Variants in QTRT2 observed in about 807,000 individuals in gnomAD.
QTRT2 encodes queuine tRNA-ribosyltransferase domain containing 1.
QTRT2 carries 32 observed loss-of-function variants against 44.8 expected under a neutral mutation model. The ratio of observed to expected loss-of-function variants is 0.71; its 90% CI spans 0.54 to 0.96. The LOEUF (loss-of-function observed/expected upper bound fraction) is 0.96, where lower values mean the gene tolerates loss of function less well. Among genes scored for constraint, QTRT2 ranks in the 40% least tolerant of loss-of-function variants. The pLI is 0.00. For missense variants in QTRT2, 461 were observed against 503.1 expected (o/e 0.92, Z 0.80); for synonymous variants, 182 against 187.4 (o/e 0.97, Z 0.24).
chr3:114,068,311 G>T, intron 5 of QTRT2: 1 of 383,516 alleles, frequency 2.6e-6, no homozygotes, highest in Non-Finnish European at 4.9e-6. Context: ...GGTAGAGGAG[G>T]GTCAAATACA....
intron 4 of QTRT2, among the ~76,000 whole-genome samples, chr3:114,067,108 G>A (rs1364092220): frequency 6.6e-6 from 1 of 152,110 alleles, no homozygotes; most frequent in Admixed American, 6.5e-5. Flanking sequence ...GCTTCTGAGA[G>A]CAGCTGCATG....
chr3:114,077,801 C>G (rs1320805921), intron 7 of QTRT2: 1 of 151,020 alleles, frequency 6.6e-6, no homozygotes, highest in East Asian at 2.0e-4. Flanking sequence ...GCAACCTCCA[C>G]CTCCCGGGTT....
chr3:114,083,345 TGTTGTG>T (rs2107807757), intron 9 of QTRT2, among the ~76,000 whole-genome samples: 1 of 136,256 alleles, frequency 7.3e-6, no homozygotes, highest in South Asian at 2.4e-4. Context: ...TTGTTGTTGT[TGTTGTG>T]TTTTAGAACA....
intron 2 of QTRT2, among the ~76,000 whole-genome samples, chr3:114,061,560 T>C (rs2076886986): frequency 6.6e-6 from 1 of 152,182 alleles, no homozygotes; most frequent in South Asian, 2.1e-4. Flanking sequence ...CTTTTATCTC[T>C]TTTCTTTCTC....
intron 5 of QTRT2, 111 bp downstream of exon 5, chr3:114,068,174 T>C (rs926273622): frequency 2.4e-6 from 2 of 847,476 alleles, no homozygotes; most frequent in Admixed American, 1.9e-5. Flanking sequence ...CTTATACCTT[T>C]TCCTTATTTC....
At position 114,070,723 on chromosome 3, in the gene QTRT2, T is replaced by C. The variant is rs1474300221; in HGVS notation, c.431T>C (p.Leu144Pro). The change falls in exon 6 of 10, where the codon CTC becomes CCC. Residue 144 changes from leucine (L) to proline (P), a missense_variant. Physicochemically the swap from Leu to Pro is moderately conservative, Grantham distance 98 (BLOSUM62 -3). Coordinates refer to ENST00000281273, the MANE Select transcript of QTRT2 (RefSeq NM_024638.4). ...KALQPDWFQC[L>P]SDGEVSCKEA... ...CTTCAGCCAGACTGGTTCCAGTGCC[T>C]CTCCGATGGAGAAGTATCTTGTAAG... The C allele has an allele frequency of 1.9e-6, 3 of 1,613,968 alleles. No homozygotes were observed. The highest frequency in any genetic ancestry group is 2.5e-6 in the Non-Finnish European group (3 of 1,179,994).
rs2077095780 is a variant in QTRT2 at position 114,076,743 on chromosome 3, G to A, written c.547G>A (p.Val183Ile). 6.2e-7 allele frequency: 1 copy of A among 1,613,948 alleles called. No individual in the cohort carries two copies. The change falls in exon 7 of 10, where the codon GTT becomes ATT. Residue 183 changes from valine (V) to isoleucine (I), a missense_variant and splice_region_variant. Physicochemically the swap from Val to Ile is conservative, Grantham distance 29. Transcript: ENST00000281273. ...NCLRLQEESE[V>I]LQKSVIIGVI... ...AAACATATCATCCTTCTTACCTCAG[G>A]TTCTTCAGAAGAGTGTGATCATTGG... is the stretch of plus-strand genomic sequence containing the variant.
intron 2 of QTRT2, 49 bp downstream of exon 2, chr3:114,057,155 G>C (rs906873717): frequency 1.9e-6 from 2 of 1,034,312 alleles, no homozygotes; most frequent in South Asian, 2.8e-5. Flanking sequence ...GGGAGGGTGG[G>C]ACCGTCTTCA....
chr3:114,072,941 AT>A (rs1333619597), intron 6 of QTRT2, among the ~76,000 whole-genome samples: 6 of 152,220 alleles, frequency 3.9e-5, no homozygotes, highest in Non-Finnish European at 7.3e-5. Flanking sequence ...GAATTTTAAT[AT>A]TTGAGATCAT....
chr3:114,062,121 T>C (rs1577510022), intron 2 of QTRT2, among the ~76,000 whole-genome samples: 1 of 152,036 alleles, frequency 6.6e-6, no homozygotes, highest in South Asian at 2.1e-4. Flanking sequence ...ATCCCAACAC[T>C]TTGGGAGGTC....
intron 6 of QTRT2, among the ~76,000 whole-genome samples, chr3:114,072,936 T>C (rs1450025110): frequency 6.6e-6 from 1 of 152,178 alleles, no homozygotes; most frequent in Admixed American, 6.5e-5. Context: ...GGAGAGAATT[T>C]TAATATTTGA....
chr3:114,079,902 A>T lies in QTRT2; in HGVS notation c.747-4A>T. The T allele has an allele frequency of 8.1e-6, 13 of 1,612,630 alleles. No individual in the cohort carries two copies. The highest frequency in any genetic ancestry group is 1.1e-5 in the Non-Finnish European group (13 of 1,179,138). ...TGTCACTGTTCTTATTCTTACTTTT[A>T]CAGGCTCATATCTGGTGTTAGTCGG... is the stretch of plus-strand genomic sequence containing the variant. On this transcript the variant is annotated splice_region_variant and splice_polypyrimidine_tract_variant and intron_variant, in intron 7 of 9. Transcript: ENST00000281273.
chr3:114,074,908 G>A (rs748932463), intron 6 of QTRT2, among the ~76,000 whole-genome samples: 9 of 152,210 alleles, frequency 5.9e-5, no homozygotes, highest in Non-Finnish European at 1.0e-4. Context: ...AAACAGCTGC[G>A]TAGGAAGCCA....
chr3:114,085,660 A>G lies in QTRT2; in HGVS notation c.1017-13A>G, dbSNP rs1249498457. On this transcript the variant is annotated splice_polypyrimidine_tract_variant and intron_variant, in intron 9 of 9. Transcript: ENST00000281273. Reference sequence around the variant, plus strand: ...CCGTACTTTCTGGAATGTCACTGTGACTTCTTTCTTAGGTACCAGGAGGAC... The same window carrying G: ...CCGTACTTTCTGGAATGTCACTGTGGCTTCTTTCTTAGGTACCAGGAGGAC... 2.5e-6 allele frequency: 4 copies of G among 1,606,082 alleles called. No homozygotes were observed. Among genetic ancestry groups the G allele is most frequent in the Non-Finnish European group, 2.6e-6 (3 of 1,172,720 alleles).
chr3:114,058,195 T>G (rs2076831805), intron 2 of QTRT2, among the ~76,000 whole-genome samples: 1 of 152,378 alleles, frequency 6.6e-6, no homozygotes, highest in East Asian at 1.9e-4. Flanking sequence ...TATTATTGTC[T>G]TTCTATATGT....
rs550959651 is a variant in QTRT2 at position 114,088,349 on chromosome 3, A to C, written c.*2445A>C. 142 of 152,302 alleles carry C rather than the reference A, an allele frequency of 9.3e-4. 1 individual carries two copies. The highest frequency in any genetic ancestry group is 3.3e-3 in the African/African-American group (137 of 41,570). The allele number at this position is 152,302 out of a possible 1,614,324, so 9.4% of individuals were successfully genotyped here. On this transcript the variant is annotated 3_prime_UTR_variant, in exon 10 of 10. Transcript: ENST00000281273. ...CAATAAAACATTTTTAATTTTAAAA[A>C]TTTACTGTGTTTGGCTTTCTGTAAA...
chr3:114,068,411 G>A, intron 5 of QTRT2: 1 of 265,474 alleles, frequency 3.8e-6, no homozygotes, highest in South Asian at 4.7e-5. Context: ...AGGAAGAGTG[G>A]GGAAAGTTGC....
intron 5 of QTRT2, 91 bp from the exon 6 acceptor site, chr3:114,070,535 T>A: frequency 9.0e-7 from 1 of 1,110,176 alleles, no homozygotes; most frequent in South Asian, 1.4e-5. Flanking sequence ...TCTGCAGTTG[T>A]AAAGAAGAAT....
Position 114,087,599 on chromosome 3 carries a change from C to T in QTRT2, c.*1695C>T, listed in dbSNP as rs979903167. 1 of 152,116 alleles carries T rather than the reference C, an allele frequency of 6.6e-6. No homozygotes were observed. The highest frequency in any genetic ancestry group is 6.6e-5 in the Admixed American group (1 of 15,256). The allele number at this position is 152,116 out of a possible 1,614,324, so 9.4% of individuals were successfully genotyped here. A position where few individuals can be genotyped will look rare whatever the true frequency, so the allele number is the denominator to read the frequency against. ...TTCACCGTATGAGCCAGGATGGTCT[C>T]GATCTCCTGACCTCATGATCCACAA... On this transcript the variant is annotated 3_prime_UTR_variant, in exon 10 of 10. Coordinates refer to ENST00000281273, the MANE Select transcript of QTRT2 (RefSeq NM_024638.4).
Sources: gnomAD v4.1 joint callset for allele counts (sites outside exome capture counted in the v4.1 genomes callset) on GRCh38, gnomAD v4.1.1 for gene constraint, MANE v1.5 for transcripts, NCBI Gene and HGNC (gene_info 2026-07-23, HGNC 2026-07-21) for gene names.